The following LEF1 variants were observed in gnomAD, a reference collection of about 807,000 sequenced individuals.
The protein encoded by LEF1 is lymphoid enhancer binding factor 1, also known as lymphoid enhancer-binding factor 1.
A neutral mutation model predicts 51.2 loss-of-function variants in LEF1; 14 were observed. The ratio of observed to expected loss-of-function variants is 0.27; its 90% CI spans 0.18 to 0.43. LEF1 has a LOEUF of 0.43. LEF1 is among the 20% of genes least tolerant of loss of function. The pLI, the probability that LEF1 is intolerant of heterozygous loss-of-function variation, is 1.00. For missense variants in LEF1, 386 were observed against 512.0 expected, an observed-to-expected ratio of 0.75 and a Z score of 2.37; for synonymous variants, 185 against 183.2, an observed-to-expected ratio of 1.01 and a Z score of -0.08.
In LEF1 at chr4:108,048,581, G is replaced by T; in HGVS notation, c.*177C>A. 2.9e-6 allele frequency: 2 copies of T among 679,290 alleles called. No individual in the cohort carries two copies. Among genetic ancestry groups the T allele is most frequent in the Non-Finnish European group, 4.7e-6 (2 of 430,054 alleles). The allele number at this position is 679,290 out of a possible 1,614,324, so 42.1% of individuals were successfully genotyped here. A position where few individuals can be genotyped will look rare whatever the true frequency, so the allele number is the denominator to read the frequency against. ...GGGGTTGGCAGTGATTGTCTTTATG[G>T]ATCAGCGTCTCTAGCAGTGACCTCA... On this transcript the variant is annotated 3_prime_UTR_variant, in exon 12 of 12. Coordinates refer to ENST00000265165, the MANE Select transcript of LEF1 (RefSeq NM_016269.5).
At chr4:108,068,019 G>C (rs2126271771) in intron 9 of LEF1, among the ~76,000 whole-genome samples, 1 of 152,080 alleles carries the variant, frequency 6.6e-6, no homozygotes, top group African/African-American at 2.4e-5. Flanking sequence ...TATAATCCTA[G>C]CACTTTGAGA....
At chr4:108,064,767 A>G (rs1003700966) in intron 9 of LEF1, among the ~76,000 whole-genome samples, 1 of 151,872 alleles carries the variant, frequency 6.6e-6, no homozygotes, top group African/African-American at 2.4e-5. Context: ...ACGGATAATG[A>G]TGTCCTAGAG....
chr4:108,054,513 G>C (rs1737199766), intron 11 of LEF1, among the ~76,000 whole-genome samples: 1 of 152,212 alleles, frequency 6.6e-6, no homozygotes, highest in Non-Finnish European at 1.5e-5. Context: ...GCTACAGAAC[G>C]AGAGGAGGCA....
intron 7 of LEF1, 157 bp from the exon 8 acceptor site, chr4:108,078,539 G>A: frequency 1.2e-6 from 1 of 840,372 alleles, no homozygotes; most frequent in Non-Finnish European, 1.9e-6. Context: ...AGCAGTTATT[G>A]ACTCATTTGA....
chr4:108,146,420 C>A (rs1744004276), intron 3 of LEF1, among the ~76,000 whole-genome samples: 1 of 152,094 alleles, frequency 6.6e-6, no homozygotes, highest in Non-Finnish European at 1.5e-5. Context: ...TTGTGGTGCC[C>A]CTAATAAGTT....
chr4:108,105,099 AGAG>A (rs1380643836), intron 3 of LEF1, among the ~76,000 whole-genome samples: 60 of 152,136 alleles, frequency 3.9e-4, no homozygotes, highest in Non-Finnish European at 6.2e-4. Flanking sequence ...TTTAACCCTC[AGAG>A]CTTAATACTA....
intron 3 of LEF1, among the ~76,000 whole-genome samples, chr4:108,152,279 A>G (rs767240992): frequency 6.6e-6 from 1 of 152,184 alleles, no homozygotes; most frequent in Non-Finnish European, 1.5e-5. Flanking sequence ...AGGGTTTTGG[A>G]AAAGGGTTTA....
intron 3 of LEF1, among the ~76,000 whole-genome samples, chr4:108,148,193 T>C (rs993101563): frequency 1.3e-5 from 2 of 152,182 alleles, no homozygotes; most frequent in Non-Finnish European, 2.9e-5. Context: ...ACTTGTTCAT[T>C]TCAAATGCTC....
In LEF1 at chr4:108,155,439, C is replaced by T. The variant is rs138797823; in HGVS notation, c.414+8129G>A. Among the ~76,000 whole-genome samples, 15 of 152,254 alleles carry T rather than the reference C, an allele frequency of 9.9e-5. No individual in the cohort carries two copies. In the East Asian group the frequency reaches 2.5e-3, roughly 25 times the overall value. ...ACATTCCCCTGAATTTTTATTTATG[C>T]AAACATTTTCTAAAGGTTTGTGTAA... is the stretch of plus-strand genomic sequence containing the variant. On this transcript the variant is annotated intron_variant, in intron 3 of 11. Coordinates refer to ENST00000265165, the MANE Select transcript of LEF1 (RefSeq NM_016269.5).
At chr4:108,086,829 T>TACACACACACACACACACACACACAC (rs139231288) in intron 4 of LEF1, among the ~76,000 whole-genome samples, 2,743 of 149,344 alleles carry the variant, frequency 0.018, 46 homozygotes, top group Middle Eastern at 0.048. Flanking sequence ...CACACACACT[T>TACACACACACACACACACACACACAC]ACACACACAC....
chr4:108,091,447 G>A (rs1383489938), intron 3 of LEF1, among the ~76,000 whole-genome samples: 3 of 16,798 alleles, frequency 1.8e-4, no homozygotes, highest in Non-Finnish European at 2.6e-4. Flanking sequence ...GAAACTTACG[G>A]GGGGGGGAAA....
chr4:108,096,056 G>A (rs1740373056), intron 3 of LEF1, among the ~76,000 whole-genome samples: 1 of 152,106 alleles, frequency 6.6e-6, no homozygotes, highest in African/African-American at 2.4e-5. Flanking sequence ...AGAAGGAACT[G>A]GAGTCATTCC....
intron 8 of LEF1, among the ~76,000 whole-genome samples, chr4:108,077,672 G>A (rs1307677459): frequency 6.8e-6 from 1 of 148,098 alleles, no homozygotes; most frequent in Non-Finnish European, 1.5e-5. Context: ...GAAGTGAGGG[G>A]CGCTTCTGCG....
intron 3 of LEF1, among the ~76,000 whole-genome samples, chr4:108,113,474 C>A (rs1228778548): frequency 6.6e-6 from 1 of 152,144 alleles, no homozygotes; most frequent in Non-Finnish European, 1.5e-5. Flanking sequence ...GAAACGGGGA[C>A]CAAAGTTAGG....
chr4:108,117,824 T>TA (rs1379053455), intron 3 of LEF1, among the ~76,000 whole-genome samples: 1 of 152,146 alleles, frequency 6.6e-6, no homozygotes, highest in African/African-American at 2.4e-5. Context: ...GGAAGAATCT[T>TA]AGAGATCACC....
At chr4:108,071,677 T>A (rs1262767030) in intron 8 of LEF1, 1 of 152,212 alleles carries the variant, frequency 6.6e-6, no homozygotes, top group Non-Finnish European at 1.5e-5. Context: ...CAGCAGACAG[T>A]GTTCATGTAT....
chr4:108,085,149 C>T (rs1047234889), intron 4 of LEF1, among the ~76,000 whole-genome samples: 3 of 152,142 alleles, frequency 2.0e-5, no homozygotes, highest in African/African-American at 7.2e-5. Flanking sequence ...AGTGCAGTGG[C>T]ACAATTTCAG....
chr4:108,124,365 T>C (rs918647776), intron 3 of LEF1, among the ~76,000 whole-genome samples: 3 of 150,698 alleles, frequency 2.0e-5, no homozygotes, highest in Non-Finnish European at 2.9e-5. Context: ...CTTAAACAGA[T>C]ACATGAACAT....
chr4:108,105,522 G>C (rs72896196), intron 3 of LEF1, among the ~76,000 whole-genome samples: 8,344 of 152,018 alleles, frequency 0.055, 765 homozygotes, highest in African/African-American at 0.19. Flanking sequence ...AGACTACTAG[G>C]GTTCTAATGA....
Sources: allele counts gnomAD v4.1 joint callset (sites outside exome capture counted in the v4.1 genomes callset), GRCh38; gene constraint gnomAD v4.1.1; transcripts MANE v1.5; gene names NCBI Gene and HGNC (gene_info 2026-07-23, HGNC 2026-07-21).